SRD5A2: variants seen among roughly 807,000 people sequenced by gnomAD.
SRD5A2 encodes the protein steroid 5 alpha-reductase 2, also known as 3-oxo-5-alpha-steroid 4-dehydrogenase 2.
SRD5A2 carries 30 observed loss-of-function variants against 27.4 expected under a neutral mutation model. That is an observed-to-expected ratio of 1.10 (90% confidence interval 0.82 to 1.49). The LOEUF (loss-of-function observed/expected upper bound fraction) is 1.49, where lower values mean the gene tolerates loss of function less well. SRD5A2 is among the 40% of genes most tolerant of loss of function. The pLI, the probability that SRD5A2 is intolerant of heterozygous loss-of-function variation, is 0.00. For missense variants in SRD5A2, 348 were observed against 323.4 expected, an observed-to-expected ratio of 1.08 and a Z score of -0.58; for synonymous variants, 141 against 133.6, an observed-to-expected ratio of 1.06 and a Z score of -0.38.
At chr2:31,649,132 G>A in the SRD5A2 span, among the ~76,000 whole-genome samples, 1 of 152,100 alleles carries the variant, frequency 6.6e-6, no homozygotes, top group Non-Finnish European at 1.5e-5. Context: ...TTCTCATTTG[G>A]AGTGGATAAC....
the SRD5A2 span, among the ~76,000 whole-genome samples, chr2:31,662,602 G>A: frequency 7.3e-3 from 1,106 of 152,172 alleles, 18 homozygotes; most frequent in African/African-American, 0.025. Context: ...GATCGTGCCT[G>A]GTCTGTTTTG....
the SRD5A2 span, among the ~76,000 whole-genome samples, chr2:31,614,492 G>A: frequency 6.6e-6 from 1 of 152,214 alleles, no homozygotes; most frequent in African/African-American, 2.4e-5. Flanking sequence ...CTGGCATTGA[G>A]TGTCTGTGGT....
At chr2:31,569,081 C>T (rs539271993) in intron 1 of SRD5A2, among the ~76,000 whole-genome samples, 1 of 152,212 alleles carries the variant, frequency 6.6e-6, no homozygotes, top group Non-Finnish European at 1.5e-5. Flanking sequence ...TGCAGCTGCG[C>T]CAAGGAGCAC....
the SRD5A2 span, among the ~76,000 whole-genome samples, chr2:31,603,810 A>C: frequency 1.3e-5 from 2 of 151,874 alleles, no homozygotes; most frequent in South Asian, 4.1e-4. Flanking sequence ...AACAAATACC[A>C]CATGCTCTCA....
In SRD5A2 at chr2:31,580,728, A is replaced by C; in HGVS notation, c.173T>G (p.Leu58Arg). 1.2e-6 allele frequency: 2 copies of C among 1,608,354 alleles called. No homozygotes were observed. The highest frequency in any genetic ancestry group is 1.7e-6 in the Non-Finnish European group (2 of 1,179,442). Residue 58 changes from leucine (L) to arginine (R), a missense_variant, in exon 1 of 5, where the codon CTG becomes CGG. Coordinates refer to ENST00000622030, the MANE Select transcript of SRD5A2 (RefSeq NM_000348.4). Reference protein sequence around the residue: ...PARAAWFLQELPSFAVPAGIL... With the variant: ...PARAAWFLQERPSFAVPAGIL... ...CCCCGCGGGCACCGCGAAGGAAGGC[A>C]GCTCCTGCAGGAACCAGGCGGCGCG...
At chr2:31,546,118 G>A (rs1666248217) in intron 1 of SRD5A2, among the ~76,000 whole-genome samples, 1 of 151,736 alleles carries the variant, frequency 6.6e-6, no homozygotes, top group African/African-American at 2.4e-5. Context: ...TTTTTCAAAT[G>A]TCCATACTAC....
At chr2:31,552,841 C>A (rs541797545) in intron 1 of SRD5A2, among the ~76,000 whole-genome samples, 2 of 152,198 alleles carry the variant, frequency 1.3e-5, no homozygotes, top group South Asian at 4.2e-4. Context: ...AATGTGCAGA[C>A]ACCAAGGCAA....
the SRD5A2 span, among the ~76,000 whole-genome samples, chr2:31,597,011 A>C: frequency 1.3e-5 from 2 of 152,100 alleles, no homozygotes; most frequent in Non-Finnish European, 2.9e-5. Flanking sequence ...TTAATATGGA[A>C]CCAAAAAAGG....
chr2:31,610,876 G>C, the SRD5A2 span, among the ~76,000 whole-genome samples: 2 of 152,126 alleles, frequency 1.3e-5, no homozygotes, highest in Non-Finnish European at 2.9e-5. Context: ...GGGAGGCCAA[G>C]GAGGGTGGAT....
chr2:31,570,315 C>A (rs1666825348), intron 1 of SRD5A2, among the ~76,000 whole-genome samples: 1 of 152,044 alleles, frequency 6.6e-6, no homozygotes, highest in African/African-American at 2.4e-5. Context: ...GCTTTCAATA[C>A]AACTAAACAC....
the SRD5A2 span, among the ~76,000 whole-genome samples, chr2:31,623,655 G>A: frequency 1.3e-5 from 2 of 152,078 alleles, no homozygotes. Flanking sequence ...TAGGAGTGGT[G>A]AGTGAGGGCC....
intron 1 of SRD5A2, among the ~76,000 whole-genome samples, chr2:31,572,437 G>A (rs1171826708): frequency 6.6e-6 from 1 of 152,182 alleles, no homozygotes; most frequent in Non-Finnish European, 1.5e-5. Context: ...AACTGCATAT[G>A]TAAACTTGAA....
chr2:31,580,347 C>T (rs933382552), intron 1 of SRD5A2, among the ~76,000 whole-genome samples: 14 of 152,138 alleles, frequency 9.2e-5, no homozygotes, highest in Middle Eastern at 3.2e-3. Flanking sequence ...ACCTCTTTCT[C>T]TCGAGCAGCC....
At chr2:31,591,224 T>C in the SRD5A2 span, among the ~76,000 whole-genome samples, 1 of 152,214 alleles carries the variant, frequency 6.6e-6, no homozygotes, top group East Asian at 1.9e-4. Flanking sequence ...TACAATGGAC[T>C]CCAACAAATT....
At chr2:31,600,944 A>G in the SRD5A2 span, among the ~76,000 whole-genome samples, 3 of 151,878 alleles carry the variant, frequency 2.0e-5, no homozygotes, top group Non-Finnish European at 4.4e-5. Flanking sequence ...AATGAAGGAC[A>G]AAAATGATAT....
chr2:31,584,574 TG>T (rs1293487317), upstream of SRD5A2, among the ~76,000 whole-genome samples: 1 of 152,228 alleles, frequency 6.6e-6, no homozygotes, highest in East Asian at 1.9e-4. Flanking sequence ...TCTAAACAGC[TG>T]GCTACCATAT....
chr2:31,589,715 G>A, the SRD5A2 span, among the ~76,000 whole-genome samples: 2 of 152,134 alleles, frequency 1.3e-5, no homozygotes, highest in Non-Finnish European at 1.5e-5. Flanking sequence ...TATAATTTTG[G>A]CTGAGTACGA....
At chr2:31,620,815 A>G in the SRD5A2 span, among the ~76,000 whole-genome samples, 219 of 148,724 alleles carry the variant, frequency 1.5e-3, no homozygotes, top group African/African-American at 5.1e-3. Flanking sequence ...TATATTTTAT[A>G]TATATTTATT....
intron 2 of SRD5A2, among the ~76,000 whole-genome samples, chr2:31,533,252 A>G (rs956768234): frequency 6.6e-6 from 1 of 152,164 alleles, no homozygotes; most frequent in African/African-American, 2.4e-5. Context: ...GTGGCACAGC[A>G]GGAAGGCCAC....
Sources: allele counts gnomAD v4.1 joint callset (sites outside exome capture counted in the v4.1 genomes callset), GRCh38; gene constraint gnomAD v4.1.1; transcripts MANE v1.5; gene names NCBI Gene and HGNC (gene_info 2026-07-23, HGNC 2026-07-21).